The following RABGAP1 variants were observed in gnomAD, a reference collection of about 807,000 sequenced individuals.
RABGAP1 encodes RAB GTPase activating protein 1.
Under a neutral mutation model 137.6 loss-of-function variants are expected in RABGAP1, and 23 were observed. The observed-to-expected ratio is 0.17, with a 90% CI of 0.12 to 0.24. The LOEUF is 0.24. Among genes scored for constraint, RABGAP1 ranks in the 10% least tolerant of loss-of-function variants. The pLI, the probability that RABGAP1 is intolerant of heterozygous loss-of-function variation, is 1.00. For synonymous variants in RABGAP1, 451 were observed against 450.7 expected, an observed-to-expected ratio of 1.00 and a Z score of -0.01; for missense variants, 906 against 1,275.8, an observed-to-expected ratio of 0.71 and a Z score of 4.42.
At chr9:122,937,605 A>C (rs1833406822), upstream of RABGAP1, 1 of 151,952 alleles carries the variant, frequency 6.6e-6, no homozygotes, top group Non-Finnish European at 1.5e-5. Flanking sequence ...TCCAAAAAAA[A>C]ACAAACAAAC....
chr9:122,966,968 A>G (rs916329555), intron 2 of RABGAP1, among the ~76,000 whole-genome samples: 4 of 152,350 alleles, frequency 2.6e-5, no homozygotes, highest in East Asian at 1.9e-4. Context: ...ACCTGCCTCC[A>G]TGATTTAATT....
intron 13 of RABGAP1, among the ~76,000 whole-genome samples, chr9:123,030,783 T>C (rs777591315): frequency 6.6e-6 from 1 of 152,222 alleles, no homozygotes; most frequent in Non-Finnish European, 1.5e-5. Context: ...AGAATGAGTC[T>C]ATGTTATGGT....
At chr9:122,984,851 A>G (rs1288570522) in intron 3 of RABGAP1, 132 bp downstream of exon 3, 2 of 774,300 alleles carry the variant, frequency 2.6e-6, no homozygotes, top group Non-Finnish European at 2.0e-6. Context: ...ATTCTCTAGA[A>G]TCTCTGAATT....
chr9:122,967,724 A>G (rs1286209604), intron 2 of RABGAP1, among the ~76,000 whole-genome samples: 3 of 32,238 alleles, frequency 9.3e-5, no homozygotes, highest in East Asian at 8.6e-4. Context: ...GCTGTCTCAT[A>G]TGTCTTTTTT....
At chr9:123,022,916 T>A (rs923928876) in intron 13 of RABGAP1, among the ~76,000 whole-genome samples, 1 of 152,158 alleles carries the variant, frequency 6.6e-6, no homozygotes, top group Non-Finnish European at 1.5e-5. Flanking sequence ...TACTCTGAAA[T>A]GTTTTTGGGG....
chr9:122,995,180 T>G (rs1836950714), intron 6 of RABGAP1, among the ~76,000 whole-genome samples: 1 of 152,190 alleles, frequency 6.6e-6, no homozygotes, highest in South Asian at 2.1e-4. Flanking sequence ...ACCTTATCAC[T>G]AGTTAGTATT....
At chr9:122,956,633 G>C (rs1177079417) in intron 1 of RABGAP1, among the ~76,000 whole-genome samples, 2 of 127,866 alleles carry the variant, frequency 1.6e-5, no homozygotes, top group Non-Finnish European at 3.2e-5. Flanking sequence ...CTGGGCGACA[G>C]AGTGAGACTC....
intron 10 of RABGAP1, among the ~76,000 whole-genome samples, chr9:123,008,431 G>A (rs2030498829): frequency 6.6e-6 from 1 of 151,542 alleles, no homozygotes; most frequent in Non-Finnish European, 1.5e-5. Context: ...TGTAATCCCA[G>A]CTATTCGGGA....
chr9:123,021,929 A>G (rs533701688), intron 13 of RABGAP1, among the ~76,000 whole-genome samples: 16 of 152,346 alleles, frequency 1.1e-4, no homozygotes, highest in African/African-American at 3.6e-4. Context: ...ATCTGGGAGA[A>G]CAGAGGAGTC....
At chr9:123,024,891 T>A (rs1002087555) in intron 13 of RABGAP1, among the ~76,000 whole-genome samples, 1 of 152,230 alleles carries the variant, frequency 6.6e-6, no homozygotes, top group Non-Finnish European at 1.5e-5. Flanking sequence ...CCTTTTCATA[T>A]GCATTATAAA....
At chr9:122,955,042 C>T (rs972573060) in intron 1 of RABGAP1, among the ~76,000 whole-genome samples, 5 of 152,016 alleles carry the variant, frequency 3.3e-5, no homozygotes, top group African/African-American at 7.3e-5. Flanking sequence ...GGGGTGAGAA[C>T]GGGCAAGTGG....
rs1301639656 is a variant in RABGAP1, at chr9:123,104,506, A to G, written c.*1293A>G. 6.6e-6 allele frequency: 1 copy of G among 152,490 alleles called. No individual in the cohort carries two copies. The highest frequency in any genetic ancestry group is 2.4e-5 in the African/African-American group (1 of 41,402). 9.4% of individuals were successfully genotyped at this position (152,490 alleles called of 1,614,324 possible). ...TGGTTTTGTCCTCTTTTCTGCGTTCAGTGTTGAGGCGGCTGCTTACAAGAG... is the reference window on the plus strand; with the variant it reads ...TGGTTTTGTCCTCTTTTCTGCGTTCGGTGTTGAGGCGGCTGCTTACAAGAG... On this transcript the variant is annotated 3_prime_UTR_variant, in exon 26 of 26. Coordinates refer to ENST00000373647, the MANE Select transcript of RABGAP1 (RefSeq NM_012197.4).
chr9:122,969,219 G>C (rs1347692709), intron 2 of RABGAP1, among the ~76,000 whole-genome samples: 3 of 152,120 alleles, frequency 2.0e-5, no homozygotes, highest in Non-Finnish European at 4.4e-5. Flanking sequence ...TGCTATACAG[G>C]TTTGTAGCCT....
intron 22 of RABGAP1, among the ~76,000 whole-genome samples, chr9:123,098,445 G>T (rs1006513742): frequency 1.8e-4 from 27 of 152,230 alleles, no homozygotes; most frequent in African/African-American, 6.5e-4. Context: ...AGGTCCACAG[G>T]TTGGCTTGTA....
At chr9:123,043,992 C>G (rs2033083699) in intron 13 of RABGAP1, among the ~76,000 whole-genome samples, 2 of 151,508 alleles carry the variant, frequency 1.3e-5, no homozygotes, top group African/African-American at 4.9e-5. Context: ...GCTCCGCCTC[C>G]CGGGTTCAGG....
intron 13 of RABGAP1, among the ~76,000 whole-genome samples, chr9:123,037,887 A>G (rs1195767082): frequency 6.6e-6 from 1 of 152,106 alleles, no homozygotes; most frequent in Non-Finnish European, 1.5e-5. Flanking sequence ...TTTAGTTTAA[A>G]TACCAGTCTG....
At chr9:123,087,075 C>G (rs1158650761) in intron 19 of RABGAP1, among the ~76,000 whole-genome samples, 1 of 152,144 alleles carries the variant, frequency 6.6e-6, no homozygotes. Flanking sequence ...AGATGTTGGT[C>G]CGTGTAAAAG....
chr9:122,994,967 A>G (rs953792489), intron 6 of RABGAP1, among the ~76,000 whole-genome samples: 5 of 152,118 alleles, frequency 3.3e-5, no homozygotes, highest in African/African-American at 1.2e-4. Flanking sequence ...AATTTAAAAA[A>G]TTAGCTAGGC....
chr9:122,957,539 C>CA (rs1834591376), intron 2 of RABGAP1, among the ~76,000 whole-genome samples: 1 of 152,066 alleles, frequency 6.6e-6, no homozygotes, highest in South Asian at 2.1e-4. Context: ...AATGTAAGGG[C>CA]ACTGGCAGGT....
Sources: allele counts gnomAD v4.1 joint callset (sites outside exome capture counted in the v4.1 genomes callset), GRCh38; gene constraint gnomAD v4.1.1; transcripts MANE v1.5; gene names NCBI Gene and HGNC (gene_info 2026-07-23, HGNC 2026-07-21).